BNIP2: variants seen among roughly 807,000 people sequenced by gnomAD.
The protein encoded by BNIP2 is BCL2 interacting protein 2.
A neutral mutation model predicts 43.4 loss-of-function variants in BNIP2; 36 were observed. That is an observed-to-expected ratio of 0.83 (90% CI 0.64 to 1.10). The LOEUF is 1.10. Among genes scored for constraint, BNIP2 ranks in the 50% least tolerant of loss-of-function variants. The pLI is 0.00. For missense variants in BNIP2, 417 were observed against 374.1 expected, an observed-to-expected ratio of 1.11 and a Z score of -0.95; for synonymous variants, 146 against 121.0, an observed-to-expected ratio of 1.21 and a Z score of -1.35.
chr15:59,668,746 T>C (rs1389260120), intron 9 of BNIP2, 146 bp downstream of exon 9: 1 of 628,120 alleles, frequency 1.6e-6, no homozygotes, highest in South Asian at 3.8e-5. Context: ...CTTCTTCCTC[T>C]TTTTCTTTGT....
chr15:59,688,912 G>A, intron 1 of BNIP2: 4 of 1,464,566 alleles, frequency 2.7e-6, no homozygotes, highest in African/African-American at 1.4e-5. Context: ...GGGCCAAACT[G>A]CCAAATACAA....
At position 59,669,328 on chromosome 15, in the gene BNIP2, G is replaced by A. The variant is rs1892757127; in HGVS notation, c.742C>T (p.His248Tyr). The A allele has an allele frequency of 6.5e-7, 1 of 1,545,468 alleles. No homozygotes were observed. Among genetic ancestry groups the A allele is most frequent in the Non-Finnish European group, 8.7e-7 (1 of 1,152,520 alleles). ...RKNLKSLIIV[H>Y]PSWFIRTLLA... ...AGTGTTCTGATAAACCAAGAAGGAT[G>A]TACAATGATTAGGGATTTTAGATTT... The change falls in exon 8 of 10, where the codon CAT becomes TAT. Residue 248 changes from histidine to tyrosine, a missense_variant. Coordinates refer to ENST00000607373, the MANE Select transcript of BNIP2 (RefSeq NM_004330.4).
chr15:59,688,134 A>T (rs6151444), intron 1 of BNIP2, among the ~76,000 whole-genome samples: 60,161 of 152,116 alleles, frequency 0.4, 12,210 homozygotes, highest in East Asian at 0.56. Context: ...GCACTAGAGA[A>T]TATGAAGACT....
chr15:59,659,183 C>T lies in BNIP2; in HGVS notation c.*4886G>A, dbSNP rs1220325514. ...AATTTATTTAAATTCATTAATGTTG[C>T]AAAAAATATGATGTGCAACAAATCA... On this transcript the variant is annotated 3_prime_UTR_variant, in exon 10 of 10. Transcript: ENST00000607373. The T allele has an allele frequency of 6.6e-6, 1 of 152,046 alleles. No homozygotes were observed. The highest frequency in any genetic ancestry group is 1.5e-5 in the Non-Finnish European group (1 of 68,014). The allele number at this position is 152,046 out of a possible 1,614,324, so 9.4% of individuals were successfully genotyped here.
chr15:59,671,241 G>C lies in BNIP2; in HGVS notation c.649C>G (p.Arg217Gly). The change falls in exon 7 of 10, where the codon CGA (arginine) becomes GGA (glycine). Residue 217 changes from arginine to glycine, a missense_variant. Arg to Gly is a moderately radical substitution (Grantham distance 125, BLOSUM62 -2). Coordinates refer to ENST00000607373, the MANE Select transcript of BNIP2 (RefSeq NM_004330.4). ...CATCCCAGACTGGGCATTTTTCTTC[G>C]AGTTGTTGCACCATTTAAATAAACT... ...MIVYLNGATT[R>G]RKMPSLGWLR... is the part of the protein sequence containing the mutation. 1 of 1,600,854 alleles carries C rather than the reference G, an allele frequency of 6.2e-7. No individual in the cohort carries two copies. Among genetic ancestry groups the C allele is most frequent in the Non-Finnish European group, 8.5e-7 (1 of 1,172,896 alleles).
In BNIP2 at chr15:59,673,808, C is replaced by T. The variant is rs576150007; in HGVS notation, c.473-1069G>A. ...ATTAGGACATTAAAACTAAATTAGG[C>T]CGGGCGAGGTGGCTCATGCTTGTAA... On this transcript the variant is annotated intron_variant, in intron 5 of 9. Transcript: ENST00000607373. Among the ~76,000 whole-genome samples, 6 of 152,206 alleles carry T rather than the reference C, an allele frequency of 3.9e-5. 1 individual carries two copies. The South Asian group carries it at 1.0e-3, about 26-fold the overall frequency.
chr15:59,673,841 A>G (rs1274701495), intron 5 of BNIP2, among the ~76,000 whole-genome samples: 3 of 152,104 alleles, frequency 2.0e-5, no homozygotes, highest in African/African-American at 7.2e-5. Flanking sequence ...TAATTCCAGC[A>G]CTTCGGGAGG....
At chr15:59,679,993 T>TA (rs1893558786) in intron 3 of BNIP2, among the ~76,000 whole-genome samples, 1 of 152,242 alleles carries the variant, frequency 6.6e-6, no homozygotes, top group African/African-American at 2.4e-5. Context: ...GCAGACCTTA[T>TA]AGATACCTCT....
rs1193534459 is a variant in BNIP2 at position 59,689,234 on chromosome 15, C to A, written c.-157G>T. The stretch of plus-strand genomic sequence containing the variant: ...AAAAAGCAGGGCCGAGCGGAGCCCG[C>A]TCCCCTCGGTCGGCGGTGGAGACCC... On this transcript the variant is annotated 5_prime_UTR_variant, in exon 1 of 10. Transcript: ENST00000607373. The A allele has an allele frequency of 6.5e-7, 1 of 1,542,072 alleles. No individual in the cohort carries two copies. Among genetic ancestry groups the A allele is most frequent in the Non-Finnish European group, 8.7e-7 (1 of 1,146,240 alleles).
intron 5 of BNIP2, among the ~76,000 whole-genome samples, chr15:59,673,262 A>G (rs1438743833): frequency 6.6e-6 from 1 of 151,848 alleles, no homozygotes; most frequent in Non-Finnish European, 1.5e-5. Context: ...ATAAGCGCAC[A>G]CCACCGTGCC....
In BNIP2 at chr15:59,678,355, A is replaced by G. The variant is rs1198190655; in HGVS notation, c.296-268T>C. ...AAACGTGTATCCACAAGTTCAGAAA[A>G]TATAATTTGTAGAGTCATCAAAATC... On this transcript the variant is annotated intron_variant, in intron 4 of 9. Transcript: ENST00000607373. 3.4e-6 allele frequency: 4 copies of G among 1,166,068 alleles called. No individual in the cohort carries two copies. In the East Asian group the frequency reaches 2.2e-4, roughly 64 times the overall value. The allele number at this position is 1,166,068 out of a possible 1,614,324, so 72.2% of individuals were successfully genotyped here.
Position 59,682,458 on chromosome 15 carries a change from C to A in BNIP2, c.-1G>T. ...CTTCTTTAAGTTCCACACCTTCCAT[C>A]CTCAGCCTGGATTCAATGTCAACTA... On this transcript the variant is annotated 5_prime_UTR_variant, in exon 2 of 10. Transcript: ENST00000607373. The A allele has an allele frequency of 6.2e-7, 1 of 1,613,868 alleles. No individual in the cohort carries two copies. Among genetic ancestry groups the A allele is most frequent in the Middle Eastern group, 1.6e-4 (1 of 6,062 alleles).
intron 4 of BNIP2, chr15:59,678,753 G>C: frequency 1.5e-6 from 2 of 1,292,094 alleles, no homozygotes; most frequent in Non-Finnish European, 2.0e-6. Context: ...CTTACCAAAA[G>C]ATGGGGGGAG....
intron 9 of BNIP2, chr15:59,668,162 G>A (rs1419985865): frequency 8.4e-7 from 1 of 1,192,124 alleles, no homozygotes; most frequent in Non-Finnish European, 1.1e-6. Context: ...AGTTATTTCA[G>A]TAAATATACA....
chr15:59,683,869 C>T (rs1893852350), intron 1 of BNIP2, among the ~76,000 whole-genome samples: 1 of 152,088 alleles, frequency 6.6e-6, no homozygotes, highest in Admixed American at 6.5e-5. Context: ...CATAGTAAGT[C>T]CGTCTATACC....
chr15:59,686,328 T>C (rs1205305958), intron 1 of BNIP2, among the ~76,000 whole-genome samples: 2 of 152,230 alleles, frequency 1.3e-5, no homozygotes, highest in Admixed American at 6.5e-5. Context: ...GGTGGGAAGA[T>C]GGTTTAAGCC....
Position 59,659,238 on chromosome 15 carries a change from A to G in BNIP2, c.*4831T>C, listed in dbSNP as rs1892122702. The G allele has an allele frequency of 6.6e-6, 1 of 152,254 alleles. No homozygotes were observed. Among genetic ancestry groups the G allele is most frequent in the Admixed American group, 6.5e-5 (1 of 15,286 alleles). 9.4% of individuals were successfully genotyped at this position (152,254 alleles called of 1,614,324 possible). A position where few individuals can be genotyped will look rare whatever the true frequency, so the allele number is the denominator to read the frequency against. On this transcript the variant is annotated 3_prime_UTR_variant, in exon 10 of 10. Transcript: ENST00000607373. ...ACAAGTTATATTCCTAACAGGTCAA[A>G]GAAAATATTACATCTCCTTAGTAAA...
chr15:59,669,298 C>T lies in BNIP2; in HGVS notation c.772G>A (p.Ala258Thr). 6.4e-7 allele frequency: 1 copy of T among 1,558,852 alleles called. No homozygotes were observed. Among genetic ancestry groups the T allele is most frequent in the East Asian group, 2.3e-5 (1 of 43,368 alleles). ...HPSWFIRTLL[A>T]VTRPFISSKF... ...TACCTAATAAATGGTCTTGTAACAG[C>T]CAGAAGTGTTCTGATAAACCAAGAA... The change falls in exon 8 of 10, where the codon GCT becomes ACT. Residue 258 changes from alanine to threonine, a missense_variant. Ala to Thr is a moderately conservative substitution (Grantham distance 58). Coordinates refer to ENST00000607373, the MANE Select transcript of BNIP2 (RefSeq NM_004330.4).
chr15:59,677,115 G>C, intron 5 of BNIP2: 2 of 1,606,356 alleles, frequency 1.2e-6, no homozygotes, highest in Non-Finnish European at 1.7e-6. Context: ...CAAGGTCAAG[G>C]ATATTGTCAT....
Sources: gnomAD v4.1 joint callset for allele counts (sites outside exome capture counted in the v4.1 genomes callset) on GRCh38, gnomAD v4.1.1 for gene constraint, MANE v1.5 for transcripts, NCBI Gene and HGNC (gene_info 2026-07-23, HGNC 2026-07-21) for gene names.